Variants in ADGRL3 observed in about 807,000 individuals in gnomAD.
ADGRL3 encodes the protein adhesion G protein-coupled receptor L3, also known as calcium-independent alpha-latrotoxin receptor 3.
A neutral mutation model predicts 153.5 loss-of-function variants in ADGRL3; 62 were observed. The observed-to-expected ratio is 0.40, with a 90% confidence interval of 0.33 to 0.50. The LOEUF is 0.50. Ranked by LOEUF, ADGRL3 falls within the 20% of genes least tolerant of loss-of-function variation. The pLI is 0.47. For synonymous variants in ADGRL3, 710 were observed against 672.5 expected (o/e 1.06, Z -0.86); for missense variants, 1,641 against 1,859.4 (o/e 0.88, Z 2.16).
intron 8 of ADGRL3, among the ~76,000 whole-genome samples, chr4:61,797,493 G>A (rs2097429140): frequency 6.6e-6 from 1 of 152,084 alleles, no homozygotes; most frequent in African/African-American, 2.4e-5. Flanking sequence ...AAGAACTGTA[G>A]CAATTACCTA....
intron 6 of ADGRL3, among the ~76,000 whole-genome samples, chr4:61,702,086 A>G (rs2095774671): frequency 6.6e-6 from 1 of 152,162 alleles, no homozygotes; most frequent in Non-Finnish European, 1.5e-5. Flanking sequence ...TGCAGGGCTG[A>G]CCACAGACTG....
At position 61,482,305 on chromosome 4, in the gene ADGRL3, GAGA is replaced by G. The variant is rs539543351; in HGVS notation, c.-173-14812_-173-14810del. On this transcript the variant is annotated intron_variant, in intron 2 of 26. Coordinates refer to ENST00000683033, the MANE Select transcript of ADGRL3 (RefSeq NM_001387552.1). Reference sequence around the variant, plus strand: ...TTATCAGTCATCACTGTGAAATTTTGAGAAGATTTAAGTAAAATATTAGCTTTA... The same window carrying G: ...TTATCAGTCATCACTGTGAAATTTTGAGATTTAAGTAAAATATTAGCTTTA... 2.6e-5 allele frequency among the ~76,000 whole-genome samples: 4 copies of G among 152,250 alleles called. No homozygotes were observed. In the South Asian group the frequency reaches 8.3e-4, roughly 32 times the overall value.
At chr4:61,639,330 A>G (rs187079528) in intron 5 of ADGRL3, among the ~76,000 whole-genome samples, 29 of 152,142 alleles carry the variant, frequency 1.9e-4, no homozygotes, top group African/African-American at 6.3e-4. Flanking sequence ...GTTTGGGATG[A>G]TGTTTAATGT....
intron 1 of ADGRL3, among the ~76,000 whole-genome samples, chr4:61,346,139 A>G (rs1174332818): frequency 6.6e-6 from 1 of 152,082 alleles, no homozygotes; most frequent in Non-Finnish European, 1.5e-5. Flanking sequence ...ACTGGTATGC[A>G]CCTATAGTTC....
At chr4:61,329,363 A>G (rs1301526511) in intron 1 of ADGRL3, among the ~76,000 whole-genome samples, 2 of 152,196 alleles carry the variant, frequency 1.3e-5, no homozygotes, top group Non-Finnish European at 2.9e-5. Flanking sequence ...ATATCAAGTA[A>G]TTCTTCCTGC....
chr4:61,461,005 G>A (rs912002350), intron 2 of ADGRL3, among the ~76,000 whole-genome samples: 7 of 152,168 alleles, frequency 4.6e-5, no homozygotes, highest in African/African-American at 1.2e-4. Flanking sequence ...GGGAGGCAGA[G>A]GTTTCAGTGA....
At chr4:62,038,229 A>G in intron 24 of ADGRL3, among the ~76,000 whole-genome samples, 1 of 152,244 alleles carries the variant, frequency 6.6e-6, no homozygotes, top group African/African-American at 2.4e-5. Context: ...TAGTATAATA[A>G]TTATCACAAA....
chr4:61,209,296 G>A (rs1276778591), intron 1 of ADGRL3, among the ~76,000 whole-genome samples: 5 of 152,084 alleles, frequency 3.3e-5, no homozygotes, highest in East Asian at 1.9e-4. Flanking sequence ...AACCCCAAAT[G>A]TGCAAGTTTC....
intron 5 of ADGRL3, among the ~76,000 whole-genome samples, chr4:61,614,231 T>A (rs932269709): frequency 2.6e-5 from 4 of 152,196 alleles, no homozygotes; most frequent in African/African-American, 9.7e-5. Flanking sequence ...GACCTCTCAC[T>A]AATAGCATTA....
chr4:61,755,563 G>A (rs7656861), intron 8 of ADGRL3, among the ~76,000 whole-genome samples: 13,184 of 152,122 alleles, frequency 0.087, 1,212 homozygotes, highest in African/African-American at 0.23. Context: ...CTCCCGTTCT[G>A]TAGGTTGCCT....
At chr4:61,869,991 GGAGAGAGA>G (rs1178772578) in intron 9 of ADGRL3, among the ~76,000 whole-genome samples, 14 of 80,978 alleles carry the variant, frequency 1.7e-4, no homozygotes, top group Non-Finnish European at 3.1e-4. Context: ...AGAGAGAGAG[GGAGAGAGA>G]GAGAGAGAGA....
intron 1 of ADGRL3, among the ~76,000 whole-genome samples, chr4:61,246,788 C>G (rs1757276066): frequency 6.6e-6 from 1 of 151,526 alleles, no homozygotes; most frequent in Admixed American, 6.6e-5. Context: ...TGAGCCATCC[C>G]TCTTCCCATA....
rs184315107 is a variant in ADGRL3, at chr4:61,846,451, G to T, written c.1480+32562G>T. Among the ~76,000 whole-genome samples, 4 of 152,142 alleles carry T rather than the reference G, an allele frequency of 2.6e-5. No homozygotes were observed. The East Asian group carries it at 7.7e-4, about 29-fold the overall frequency. On this transcript the variant is annotated intron_variant, in intron 9 of 26. Transcript: ENST00000683033. The stretch of plus-strand genomic sequence containing the variant: ...CCACAGGTTATCAATATTACCATCT[G>T]CATTTACAGCCATCTAGCCTTCTGT...
intron 5 of ADGRL3, among the ~76,000 whole-genome samples, chr4:61,643,317 A>G (rs1042831728): frequency 3.3e-5 from 5 of 151,992 alleles, no homozygotes; most frequent in Non-Finnish European, 4.4e-5. Context: ...CAGAACTTCC[A>G]ACACTATGTT....
intron 2 of ADGRL3, among the ~76,000 whole-genome samples, chr4:61,461,306 A>G (rs75434149): frequency 0.012 from 1,831 of 152,272 alleles, 28 homozygotes; most frequent in African/African-American, 0.039. Context: ...GTGTTTGACA[A>G]CACAGTGAGG....
intron 2 of ADGRL3, among the ~76,000 whole-genome samples, chr4:61,450,071 C>T (rs1340725135): frequency 6.6e-6 from 1 of 152,066 alleles, no homozygotes; most frequent in Non-Finnish European, 1.5e-5. Flanking sequence ...GGCTGAAAAC[C>T]CAAATGGATT....
intron 6 of ADGRL3, among the ~76,000 whole-genome samples, chr4:61,695,255 AT>A (rs1292267493): frequency 6.6e-6 from 1 of 152,160 alleles, no homozygotes; most frequent in Non-Finnish European, 1.5e-5. Context: ...ACAAAAATGT[AT>A]TTTTTAAATA....
intron 14 of ADGRL3, among the ~76,000 whole-genome samples, 195 bp downstream of exon 14, chr4:61,935,218 T>C (rs9312084): frequency 0.063 from 9,590 of 152,230 alleles, 1,040 homozygotes; most frequent in African/African-American, 0.22. Context: ...GCTATCTTTC[T>C]TAGGACATTT....
chr4:61,484,155 C>T (rs335324), intron 2 of ADGRL3, among the ~76,000 whole-genome samples: 118,813 of 151,786 alleles, frequency 0.78, 47,648 homozygotes, highest in East Asian at 0.95. Context: ...GAACATGATA[C>T]GTTGCTTTAT....
Sources: allele counts gnomAD v4.1 joint callset (sites outside exome capture counted in the v4.1 genomes callset), GRCh38; gene constraint gnomAD v4.1.1; transcripts MANE v1.5; gene names NCBI Gene and HGNC (gene_info 2026-07-23, HGNC 2026-07-21).